The following C9 variants were observed in gnomAD, a reference collection of about 807,000 sequenced individuals.
C9 encodes complement C9.
A neutral mutation model predicts 65.4 loss-of-function variants in C9; 63 were observed. The observed-to-expected ratio is 0.96, with a 90% confidence interval of 0.79 to 1.19. C9 has a LOEUF of 1.19. Among genes scored for constraint, C9 ranks in the 50% most tolerant of loss-of-function variants. C9 has a pLI of 0.00. For synonymous variants in C9, 229 were observed against 227.9 expected, an observed-to-expected ratio of 1.00 and a Z score of -0.04; for missense variants, 744 against 670.1, an observed-to-expected ratio of 1.11 and a Z score of -1.22.
chr5:39,351,789 A>G (rs887133854), intron 1 of C9, among the ~76,000 whole-genome samples: 1 of 152,182 alleles, frequency 6.6e-6, no homozygotes, highest in African/African-American at 2.4e-5. Context: ...GTCTCTAGGA[A>G]GTTCCAAATT....
intron 8 of C9, 91 bp from the exon 9 acceptor site, chr5:39,306,883 C>G: frequency 1.2e-6 from 1 of 853,672 alleles, no homozygotes; most frequent in Non-Finnish European, 2.0e-6. Context: ...TTTATTGAGT[C>G]CTTTTAGTAA....
chr5:39,313,132 C>T (rs1753514855), intron 6 of C9, among the ~76,000 whole-genome samples: 1 of 152,170 alleles, frequency 6.6e-6, no homozygotes. Context: ...GCAGTTGTTT[C>T]TTCTATCTTA....
chr5:39,315,717 A>G, intron 6 of C9, 58 bp downstream of exon 6: 1 of 1,270,956 alleles, frequency 7.9e-7, no homozygotes, highest in Non-Finnish European at 1.1e-6. Flanking sequence ...CAAAATACTT[A>G]AAGAGTCTGG....
intron 9 of C9, among the ~76,000 whole-genome samples, chr5:39,296,879 A>G (rs187184659): frequency 6.6e-6 from 1 of 151,550 alleles, no homozygotes; most frequent in African/African-American, 2.4e-5. Flanking sequence ...GGAAGCTAAA[A>G]AAAAAACTGA....
At chr5:39,347,783 C>T (rs1754236663) in intron 1 of C9, among the ~76,000 whole-genome samples, 1 of 152,124 alleles carries the variant, frequency 6.6e-6, no homozygotes, top group Non-Finnish European at 1.5e-5. Flanking sequence ...TACAAGGCTA[C>T]AGTAACCAAA....
At chr5:39,327,707 A>G (rs1753774366) in intron 5 of C9, among the ~76,000 whole-genome samples, 1 of 152,128 alleles carries the variant, frequency 6.6e-6, no homozygotes, top group Non-Finnish European at 1.5e-5. Context: ...GAAATATAGG[A>G]TTTGCATGCA....
At chr5:39,348,762 G>A (rs1345693065) in intron 1 of C9, among the ~76,000 whole-genome samples, 7 of 152,062 alleles carry the variant, frequency 4.6e-5, no homozygotes, top group Non-Finnish European at 8.8e-5. Flanking sequence ...CAAAGACTTC[G>A]AACCAACCCA....
At chr5:39,296,119 GA>G (rs573275633) in intron 9 of C9, among the ~76,000 whole-genome samples, 53 of 151,672 alleles carry the variant, frequency 3.5e-4, no homozygotes, top group Non-Finnish European at 6.6e-4. Flanking sequence ...ATTGGTCAGG[GA>G]AAAAATTTTC....
In C9 at chr5:39,284,942, T is replaced by G; in HGVS notation, c.*257A>C. The G allele has an allele frequency of 2.2e-6, 1 of 453,502 alleles. No homozygotes were observed. The allele number at this position is 453,502 out of a possible 1,614,324, so 28.1% of individuals were successfully genotyped here. A position where few individuals can be genotyped will look rare whatever the true frequency, so the allele number is the denominator to read the frequency against. On this transcript the variant is annotated 3_prime_UTR_variant, in exon 11 of 11. Transcript: ENST00000263408. ...TTTTTTTTAGAAGAGATTGGCATTT[T>G]CCGTGGGATAAAGCAGTTCTGGCGT... is the stretch of plus-strand genomic sequence containing the variant.
chr5:39,290,702 C>G (rs920951234), intron 9 of C9, among the ~76,000 whole-genome samples: 2 of 151,684 alleles, frequency 1.3e-5, no homozygotes. Context: ...AAGAGGTGGG[C>G]CCAGTATTCT....
chr5:39,340,902 T>G (rs1319651509), intron 4 of C9, among the ~76,000 whole-genome samples: 3 of 152,218 alleles, frequency 2.0e-5, no homozygotes, highest in Admixed American at 2.0e-4. Flanking sequence ...GACAATTATC[T>G]AACATCTTGA....
intron 1 of C9, among the ~76,000 whole-genome samples, chr5:39,350,277 C>T (rs762839999): frequency 1.6e-4 from 24 of 152,092 alleles, no homozygotes; most frequent in East Asian, 9.7e-4. Flanking sequence ...AATCACTTTC[C>T]GACAGGCTCC....
chr5:39,310,523 T>C (rs969428800), intron 7 of C9, among the ~76,000 whole-genome samples: 9 of 152,102 alleles, frequency 5.9e-5, no homozygotes, highest in Admixed American at 1.3e-4. Context: ...ATGACAGACA[T>C]TGATAATTAA....
In C9 at chr5:39,285,082, G is replaced by A. The variant is rs575563197; in HGVS notation, c.*117C>T. 1.1e-6 allele frequency: 1 copy of A among 870,314 alleles called. No homozygotes were observed. The highest frequency in any genetic ancestry group is 1.7e-5 in the African/African-American group (1 of 60,196). 53.9% of individuals were successfully genotyped at this position (870,314 alleles called of 1,614,324 possible). ...AAGAGAGAAGAGACTTCAGAGGTTG[G>A]TAGGATTTTCATGAAGCATGTTGCT... On this transcript the variant is annotated 3_prime_UTR_variant, in exon 11 of 11. Coordinates refer to ENST00000263408, the MANE Select transcript of C9 (RefSeq NM_001737.5).
Position 39,341,710 on chromosome 5 carries a change from A to G in C9, c.184-10T>C, listed in dbSNP as rs773923546. The G allele has an allele frequency of 3.7e-6, 6 of 1,613,676 alleles. No individual in the cohort carries two copies. The highest frequency in any genetic ancestry group is 5.1e-6 in the Non-Finnish European group (6 of 1,179,606). The stretch of plus-strand genomic sequence containing the variant: ...TGCTTCTTGAACGAAACTGCACAAT[A>G]TCAGTTGGAATGATTAGAATTTCTA... On this transcript the variant is annotated splice_polypyrimidine_tract_variant and intron_variant, in intron 2 of 10. Coordinates refer to ENST00000263408, the MANE Select transcript of C9 (RefSeq NM_001737.5).
chr5:39,360,645 T>G (rs960134262), intron 1 of C9, among the ~76,000 whole-genome samples: 1 of 151,970 alleles, frequency 6.6e-6, no homozygotes, highest in African/African-American at 2.4e-5. Flanking sequence ...AGGAAATGAA[T>G]AGTTCGCGAA....
intron 5 of C9, among the ~76,000 whole-genome samples, chr5:39,328,062 G>T (rs1753781826): frequency 6.6e-6 from 1 of 152,164 alleles, no homozygotes; most frequent in Non-Finnish European, 1.5e-5. Context: ...GGCCAGAGTG[G>T]AAGGAAAAAG....
intron 1 of C9, among the ~76,000 whole-genome samples, chr5:39,346,942 G>T (rs1481347799): frequency 2.0e-5 from 3 of 152,180 alleles, no homozygotes; most frequent in African/African-American, 7.2e-5. Context: ...CTCAATAGAT[G>T]CAGAAAAGGC....
chr5:39,311,388 G>C lies in C9; in HGVS notation c.871-11C>G, dbSNP rs1461940669. ...CAGAAACATTTTTTCCTGTGTTGTA[G>C]AGCAGATGAAGAAGAGAAACATGTG... On this transcript the variant is annotated splice_polypyrimidine_tract_variant and intron_variant, in intron 6 of 10. Coordinates refer to ENST00000263408, the MANE Select transcript of C9 (RefSeq NM_001737.5). 4 of 1,609,968 alleles carry C rather than the reference G, an allele frequency of 2.5e-6. No homozygotes were observed. The highest frequency in any genetic ancestry group is 3.4e-6 in the Non-Finnish European group (4 of 1,178,460).
Sources: allele counts gnomAD v4.1 joint callset (sites outside exome capture counted in the v4.1 genomes callset), GRCh38; gene constraint gnomAD v4.1.1; transcripts MANE v1.5; gene names NCBI Gene and HGNC (gene_info 2026-07-23, HGNC 2026-07-21).